NR5A1: variants seen among roughly 807,000 people sequenced by gnomAD.
NR5A1 encodes nuclear receptor subfamily 5 group A member 1.
A neutral mutation model predicts 42.7 loss-of-function variants in NR5A1; 6 were observed. The ratio of observed to expected loss-of-function variants is 0.14; its 90% CI spans 0.08 to 0.28. The LOEUF is 0.28. Among genes scored for constraint, NR5A1 ranks in the 10% least tolerant of loss-of-function variants. The pLI is 1.00. For synonymous variants in NR5A1, 274 were observed against 277.5 expected (o/e 0.99, Z 0.12); for missense variants, 442 against 626.4 (o/e 0.71, Z 3.14).
At chr9:124,492,817 TC>T (rs1832336750) in intron 5 of NR5A1, among the ~76,000 whole-genome samples, 2 of 152,260 alleles carry the variant, frequency 1.3e-5, no homozygotes, top group South Asian at 4.2e-4. Context: ...AGAGCAGGGC[TC>T]CCAGGGGCCG....
intron 5 of NR5A1, 44 bp downstream of exon 5, chr9:124,492,986 G>A (rs758648189): frequency 5.7e-5 from 87 of 1,528,532 alleles, no homozygotes; most frequent in African/African-American, 1.6e-4. Context: ...AGTGCACAGC[G>A]GGGCCAGGGC....
intron 4 of NR5A1, among the ~76,000 whole-genome samples, chr9:124,493,665 C>T (rs1460318083): frequency 6.6e-6 from 1 of 152,244 alleles, no homozygotes; most frequent in Non-Finnish European, 1.5e-5. Context: ...GGCTTCCCCC[C>T]CGGGCCTACG....
intron 1 of NR5A1, among the ~76,000 whole-genome samples, chr9:124,506,627 C>G (rs1390690125): frequency 1.3e-5 from 2 of 152,216 alleles, no homozygotes; most frequent in Admixed American, 1.3e-4. Context: ...AGGCCCTTCT[C>G]CCTCTATCTC....
intron 5 of NR5A1, among the ~76,000 whole-genome samples, chr9:124,492,525 ATTCG>A (rs202153665): frequency 1.3e-5 from 2 of 151,866 alleles, no homozygotes; most frequent in African/African-American, 4.8e-5. Context: ...TCATTCATTC[ATTCG>A]AGATTTAGGG....
chr9:124,505,325 A>G (rs982563431), intron 1 of NR5A1, among the ~76,000 whole-genome samples: 2 of 152,184 alleles, frequency 1.3e-5, no homozygotes, highest in African/African-American at 4.8e-5. Flanking sequence ...TGGTCGCACT[A>G]CAGCGTGGAA....
chr9:124,496,027 G>A lies in NR5A1; in HGVS notation c.871-2878C>T, dbSNP rs759575098. Among the ~76,000 whole-genome samples the A allele has an allele frequency of 4.3e-4, 66 of 152,264 alleles. No individual in the cohort carries two copies. Among genetic ancestry groups the A allele is most frequent in the Non-Finnish European group, 6.2e-4 (42 of 68,024 alleles). On this transcript the variant is annotated intron_variant, in intron 4 of 6. Coordinates refer to ENST00000373588, the MANE Select transcript of NR5A1 (RefSeq NM_004959.5). The surrounding 1 kb of genome is among the most constrained non-coding windows in gnomAD (Gnocchi z 5.0). ...ACACACATTGGGATGTATGGGAATCGGTGGACCTGCTGTTGGTTCTTACGT... is the reference window on the plus strand; with the variant it reads ...ACACACATTGGGATGTATGGGAATCAGTGGACCTGCTGTTGGTTCTTACGT...
chr9:124,505,775 G>A (rs117525354), intron 1 of NR5A1, among the ~76,000 whole-genome samples: 4 of 152,310 alleles, frequency 2.6e-5, no homozygotes, highest in Admixed American at 6.5e-5. Flanking sequence ...GCTCTCACGG[G>A]GGGGTGGGGC....
chr9:124,483,332 A>G (rs559682012), intron 6 of NR5A1, among the ~76,000 whole-genome samples: 19 of 152,330 alleles, frequency 1.2e-4, no homozygotes, highest in Middle Eastern at 3.4e-3. Context: ...AGTGGTCACA[A>G]TGAACAAGAA....
chr9:124,500,783 T>A lies in NR5A1; in HGVS notation c.245-68A>T, dbSNP rs1832460021. On this transcript the variant is annotated intron_variant, in intron 3 of 6. Transcript: ENST00000373588. The surrounding 1 kb of genome is among the most constrained non-coding windows in gnomAD (Gnocchi z 6.9). Reference sequence around the variant, plus strand: ...CCCTTCCATGCTGCCCCACCACAGATCCTTTCCAAACAAATCTGACCGCTC... The same window carrying A: ...CCCTTCCATGCTGCCCCACCACAGAACCTTTCCAAACAAATCTGACCGCTC... 2 of 1,610,044 alleles carry A rather than the reference T, an allele frequency of 1.2e-6. No homozygotes were observed. The highest frequency in any genetic ancestry group is 1.7e-6 in the Non-Finnish European group (2 of 1,178,524).
Position 124,482,553 on chromosome 9 carries a change from C to T in NR5A1, c.*205G>A. On this transcript the variant is annotated 3_prime_UTR_variant, in exon 7 of 7. Coordinates refer to ENST00000373588, the MANE Select transcript of NR5A1 (RefSeq NM_004959.5). ...AGCAGGCAAGTGCCAGTGGCCACTC[C>T]ACCTCCGCCAGGCCCTGCCCAGCCT... 1.5e-6 allele frequency: 1 copy of T among 657,164 alleles called. No homozygotes were observed. The highest frequency in any genetic ancestry group is 2.6e-6 in the Non-Finnish European group (1 of 389,718). The allele number at this position is 657,164 out of a possible 1,614,324, so 40.7% of individuals were successfully genotyped here.
chr9:124,490,934 C>A (rs1287746618), intron 6 of NR5A1, 147 bp downstream of exon 6: 4 of 1,047,494 alleles, frequency 3.8e-6, no homozygotes, highest in East Asian at 5.2e-5. Flanking sequence ...CCTTTGTTCA[C>A]TGAATGAGTA....
Position 124,503,385 on chromosome 9 carries a change from G to T in NR5A1, c.11C>A (p.Ser4Ter), listed in dbSNP as rs145936761. 1 of 1,610,010 alleles carries T rather than the reference G, an allele frequency of 6.2e-7. No individual in the cohort carries two copies. The highest frequency in any genetic ancestry group is 2.2e-5 in the East Asian group (1 of 44,778). The change falls in exon 2 of 7, where the codon TCG (serine) becomes TAG (stop). Residue 4 changes from serine (S) to a stop codon, truncating the protein, a stop_gained. Transcript: ENST00000373588. LOFTEE classifies it high-confidence loss of function. This position sits in a 1 kb window ranked among gnomAD's most constrained non-coding sequence, Gnocchi z 9.6. ...CAGCTCGTCCAGGTCCTCGTCGTAC[G>T]AATAGTCCATGCCCGCGGCGTCCGC... The part of the protein sequence containing the change: MDY[S>*]YDEDLDELCP...
Position 124,491,175 on chromosome 9 carries a change from C to T in NR5A1, c.1044G>A (p.Val348=), listed in dbSNP as rs757616016. The change falls in exon 6 of 7, where the codon GTG becomes GTA. Residue 348 remains valine (V), a synonymous_variant. Transcript: ENST00000373588. ...GCAGCACCAGCTCCTGCGCCCGCAACACCAGGCTGTGCAGCAGCGAGCCCG... is the reference window on the plus strand; with the variant it reads ...GCAGCACCAGCTCCTGCGCCCGCAATACCAGGCTGTGCAGCAGCGAGCCCG... ...TQAGSLLHSL[V]LRAQELVLQL... is the part of the protein sequence containing the mutation. 11 of 1,609,852 alleles carry T rather than the reference C, an allele frequency of 6.8e-6. No homozygotes were observed. The highest frequency in any genetic ancestry group is 9.3e-6 in the Non-Finnish European group (11 of 1,178,958).
At chr9:124,488,196 C>T (rs981710454) in intron 6 of NR5A1, among the ~76,000 whole-genome samples, 5 of 152,018 alleles carry the variant, frequency 3.3e-5, no homozygotes, top group African/African-American at 4.8e-5. Flanking sequence ...AGCTCAGAGC[C>T]CCCACCCCCC....
At position 124,503,372 on chromosome 9, in the gene NR5A1, G is replaced by T; in HGVS notation, c.24C>A (p.Asp8Glu). MDYSYDE[D>E]LDELCPVCGD... The stretch of plus-strand genomic sequence containing the variant: ...CGCACACGGGGCACAGCTCGTCCAG[G>T]TCCTCGTCGTACGAATAGTCCATGC... Residue 8 changes from aspartate to glutamate, a missense_variant, in exon 2 of 7, where the codon GAC (aspartate) becomes GAA (glutamate). Around this residue, in one of 3 missense-constraint regions of NR5A1, gnomAD observed 71 missense variants for 156.8 expected, o/e 0.45. Coordinates refer to ENST00000373588, the MANE Select transcript of NR5A1 (RefSeq NM_004959.5). The surrounding 1 kb of genome is among the most constrained non-coding windows in gnomAD (Gnocchi z 9.6). 1 of 1,611,014 alleles carries T rather than the reference G, an allele frequency of 6.2e-7. No homozygotes were observed. Among genetic ancestry groups the T allele is most frequent in the South Asian group, 1.1e-5 (1 of 90,726 alleles).
chr9:124,504,869 C>A (rs906429540), intron 1 of NR5A1, among the ~76,000 whole-genome samples: 2 of 140,878 alleles, frequency 1.4e-5, no homozygotes, highest in East Asian at 4.2e-4. Flanking sequence ...CGGCTCCCCC[C>A]TCCCGCCTCC....
intron 4 of NR5A1, among the ~76,000 whole-genome samples, chr9:124,495,272 T>A (rs1480895778): frequency 6.6e-6 from 1 of 152,032 alleles, no homozygotes; most frequent in Non-Finnish European, 1.5e-5. Flanking sequence ...TCTCCGTATC[T>A]CTCCTTGGAA....
At chr9:124,505,730 G>A (rs1832547231) in intron 1 of NR5A1, among the ~76,000 whole-genome samples, 3 of 152,136 alleles carry the variant, frequency 2.0e-5, no homozygotes, top group Admixed American at 2.0e-4. Context: ...GCTGGGAGAG[G>A]AGCCCGGAGG....
At chr9:124,504,793 C>G (rs1360776911) in intron 1 of NR5A1, among the ~76,000 whole-genome samples, 2 of 146,292 alleles carry the variant, frequency 1.4e-5, no homozygotes, top group Admixed American at 1.4e-4. Flanking sequence ...GCCGCCCGCC[C>G]GCGATGACGG....
Sources: gnomAD v4.1 joint callset for allele counts (sites outside exome capture counted in the v4.1 genomes callset) on GRCh38, gnomAD v4.1.1 for gene constraint, gnomAD v4.1.1 regional missense constraint, Gnocchi (gnomAD v3.1) non-coding constraint, MANE v1.5 for transcripts, NCBI Gene and HGNC (gene_info 2026-07-23, HGNC 2026-07-21) for gene names.